SYNE2: variants seen among roughly 807,000 people sequenced by gnomAD.
The protein encoded by SYNE2 is nesprin-2.
SYNE2 carries 431 observed loss-of-function variants against 856.3 expected under a neutral mutation model. The observed-to-expected ratio is 0.50, with a 90% CI of 0.47 to 0.55. The LOEUF (loss-of-function observed/expected upper bound fraction) is 0.55, where lower values mean the gene tolerates loss of function less well. Ranked by LOEUF, SYNE2 falls within the 20% of genes least tolerant of loss-of-function variation. SYNE2 has a pLI of 0.00. For missense variants in SYNE2, 8,129 were observed against 8,023.2 expected, an observed-to-expected ratio of 1.01 and a Z score of -0.50; for synonymous variants, 2,923 against 2,872.3, an observed-to-expected ratio of 1.02 and a Z score of -0.56.
chr14:64,039,939 T>G (rs2097134638), intron 45 of SYNE2, among the ~76,000 whole-genome samples: 1 of 152,214 alleles, frequency 6.6e-6, no homozygotes, highest in African/African-American at 2.4e-5. Context: ...AGAGAAGGAC[T>G]ATGAAGCTTC....
chr14:64,093,962 T>C (rs2097653399), intron 61 of SYNE2, among the ~76,000 whole-genome samples: 1 of 152,206 alleles, frequency 6.6e-6, no homozygotes, highest in Admixed American at 6.5e-5. Flanking sequence ...GTGAAGACCC[T>C]GAATACTATT....
intron 6 of SYNE2, among the ~76,000 whole-genome samples, chr14:63,944,009 A>T (rs2095972913): frequency 6.6e-6 from 1 of 151,916 alleles, no homozygotes; most frequent in Non-Finnish European, 1.5e-5. Flanking sequence ...CAAATATGGT[A>T]AAATGTTAAA....
At chr14:64,175,266 CTG>C (rs1189947151) in intron 95 of SYNE2, 128 bp downstream of exon 95, 1 of 1,040,290 alleles carries the variant, frequency 9.6e-7, no homozygotes, top group African/African-American at 1.6e-5. Flanking sequence ...AAGCTGTAAT[CTG>C]TAAGTCATGC....
intron 11 of SYNE2, among the ~76,000 whole-genome samples, chr14:63,970,273 C>T (rs1157800322): frequency 6.6e-6 from 1 of 152,158 alleles, no homozygotes; most frequent in Non-Finnish European, 1.5e-5. Flanking sequence ...ACTGCAGCCT[C>T]AGCCTCCTAG....
At chr14:64,172,196 G>C (rs1321502047) in intron 94 of SYNE2, among the ~76,000 whole-genome samples, 1 of 152,192 alleles carries the variant, frequency 6.6e-6, no homozygotes, top group African/African-American at 2.4e-5. Flanking sequence ...TTGTAGGGGA[G>C]CTAAAGGAAA....
At position 64,139,990 on chromosome 14, in the gene SYNE2, C is replaced by G; in HGVS notation, c.14893C>G (p.His4965Asp). 1 of 1,613,872 alleles carries G rather than the reference C, an allele frequency of 6.2e-7. No individual in the cohort carries two copies. Among genetic ancestry groups the G allele is most frequent in the Non-Finnish European group, 8.5e-7 (1 of 1,179,786 alleles). The change falls in exon 80 of 116, where the codon CAT becomes GAT. Residue 4965 changes from histidine to aspartate, a missense_variant. By Grantham distance (81) the His-to-Asp change is moderately conservative. Transcript: ENST00000555002. The stretch of plus-strand genomic sequence containing the variant: ...AACCAAGTGGTTGGAATCTTCCCAG[C>G]ATACTCTGAATTACTGGAAAGAACA... The part of the protein sequence containing the change: ...QLTKWLESSQ[H>D]TLNYWKEQSL...
intron 2 of SYNE2, among the ~76,000 whole-genome samples, chr14:63,938,769 G>A (rs750235242): frequency 1.3e-5 from 2 of 152,168 alleles, no homozygotes; most frequent in African/African-American, 2.4e-5. Context: ...AGGGTATTGG[G>A]CATGGAGGGG....
intron 61 of SYNE2, among the ~76,000 whole-genome samples, chr14:64,096,679 A>G (rs934853136): frequency 1.3e-5 from 2 of 152,212 alleles, no homozygotes; most frequent in Non-Finnish European, 2.9e-5. Flanking sequence ...TGGCATAGAA[A>G]TGTGTGCAGT....
chr14:64,119,976 A>T (rs2097885778), intron 67 of SYNE2, among the ~76,000 whole-genome samples: 1 of 152,240 alleles, frequency 6.6e-6, no homozygotes, highest in South Asian at 2.1e-4. Flanking sequence ...AGATGTGACT[A>T]AAATTTGACA....
intron 49 of SYNE2, among the ~76,000 whole-genome samples, chr14:64,060,488 C>T (rs560847361): frequency 6.6e-6 from 1 of 152,266 alleles, no homozygotes; most frequent in South Asian, 2.1e-4. Context: ...CTGCCCAGTA[C>T]CCAGTCCTAC....
chr14:63,895,045 A>G (rs147939668), intron 1 of SYNE2, among the ~76,000 whole-genome samples: 69 of 152,238 alleles, frequency 4.5e-4, no homozygotes, highest in African/African-American at 1.5e-3. Context: ...TTCAAGTGAT[A>G]TGGCATTGAG....
chr14:64,052,875 C>T lies in SYNE2; in HGVS notation c.8962C>T (p.Leu2988Phe). Residue 2988 changes from leucine (L) to phenylalanine (F), a missense_variant, in exon 48 of 116, where the codon CTC becomes TTC. Around this residue, in one of 3 missense-constraint regions of SYNE2, gnomAD observed 5,410 missense variants for 5,284.8 expected, o/e 1.02. Coordinates refer to ENST00000555002, the MANE Select transcript of SYNE2 (RefSeq NM_182914.3). ...GGAGATCTATAATCTTAAAGACAGACTCACCGCTATTAAGTGTTGCATCTT... is the reference window on the plus strand; with the variant it reads ...GGAGATCTATAATCTTAAAGACAGATTCACCGCTATTAAGTGTTGCATCTT... Reference protein sequence around the residue: ...KEEIYNLKDRLTAIKCCILQV... With the variant: ...KEEIYNLKDRFTAIKCCILQV... 6.2e-7 allele frequency: 1 copy of T among 1,613,830 alleles called. No individual in the cohort carries two copies. Among genetic ancestry groups the T allele is most frequent in the South Asian group, 1.1e-5 (1 of 90,902 alleles).
Position 63,815,240 on chromosome 14 carries a change from G to GGA in SYNE2, c.-304-37260_-304-37259dup, listed in dbSNP as rs1491552358. Among the ~76,000 whole-genome samples the GGA allele has an allele frequency of 6.0e-5, 6 of 100,078 alleles. 1 individual carries two copies. The East Asian group carries it at 1.4e-3, about 24-fold the overall frequency. The allele number at this position is 100,078 out of a possible 152,430, so 65.7% of individuals were successfully genotyped here. A position where few individuals can be genotyped will look rare whatever the true frequency, so the allele number is the denominator to read the frequency against. On this transcript the variant is annotated intron_variant, in intron 1 of 23. Coordinates refer to the SYNE2 transcript ENST00000674003. ...TCCATATATATATCCATATATATAT[G>GGA]GATATATATATATATATAAGGGAGT...
Position 64,005,751 on chromosome 14 carries a change from G to C in SYNE2, c.4398-1292G>C, listed in dbSNP as rs1283071982. Among the ~76,000 whole-genome samples, 4 of 152,144 alleles carry C rather than the reference G, an allele frequency of 2.6e-5. No individual in the cohort carries two copies. In the East Asian group the frequency reaches 7.7e-4, roughly 29 times the overall value. ...AATCAGGAGAGAGGTCTGGGCTTGA[G>C]GTATATATTTGAGAGTTTTCATCAT... On this transcript the variant is annotated intron_variant, in intron 30 of 115. Coordinates refer to ENST00000555002, the MANE Select transcript of SYNE2 (RefSeq NM_182914.3).
intron 96 of SYNE2, among the ~76,000 whole-genome samples, chr14:64,179,350 G>A (rs1596020228): frequency 1.3e-5 from 2 of 152,058 alleles, no homozygotes; most frequent in Admixed American, 1.3e-4. Flanking sequence ...CGTTGGCCAG[G>A]CTGGTCTTGA....
upstream of SYNE2, among the ~76,000 whole-genome samples, chr14:63,851,068 A>G (rs1463190029): frequency 1.3e-5 from 2 of 152,204 alleles, no homozygotes; most frequent in East Asian, 3.8e-4. Flanking sequence ...GGTTTTAGGA[A>G]AAGACAGCAT....
chr14:64,218,344 C>T lies in SYNE2; in HGVS notation c.19543-54C>T, dbSNP rs185571868. 1.0e-3 allele frequency: 1,550 copies of T among 1,500,314 alleles called. 4 individuals carry two copies. Among genetic ancestry groups the T allele is most frequent in the Middle Eastern group, 2.2e-3 (13 of 5,840 alleles). 92.9% of individuals were successfully genotyped at this position (1,500,314 alleles called of 1,614,324 possible). A position where few individuals can be genotyped will look rare whatever the true frequency, so the allele number is the denominator to read the frequency against. On this transcript the variant is annotated intron_variant, in intron 108 of 115. Coordinates refer to ENST00000555002, the MANE Select transcript of SYNE2 (RefSeq NM_182914.3). ...TTAATATGAAATGAATCCAGTTGTT[C>T]TTCAGATATCCTTCATATCTACAGA...
intron 64 of SYNE2, 24 bp downstream of exon 64, chr14:64,102,066 G>T (rs552849082): frequency 1.9e-6 from 3 of 1,555,918 alleles, no homozygotes; most frequent in Non-Finnish European, 2.7e-6. Context: ...TATCAGCCAC[G>T]CTTAGGGGTT....
At chr14:64,162,367 C>G (rs748304792) in intron 88 of SYNE2, 91 bp downstream of exon 88, 76 of 1,334,416 alleles carry the variant, frequency 5.7e-5, no homozygotes, top group Non-Finnish European at 7.8e-5. Flanking sequence ...AGACAGACCA[C>G]AGGGACAGAG....
Sources: gnomAD v4.1 joint callset for allele counts (sites outside exome capture counted in the v4.1 genomes callset) on GRCh38, gnomAD v4.1.1 for gene constraint, gnomAD v4.1.1 regional missense constraint, MANE v1.5 for transcripts, NCBI Gene and HGNC (gene_info 2026-07-23, HGNC 2026-07-21) for gene names.